The following B3GALT1 variants were observed in gnomAD, a reference collection of about 807,000 sequenced individuals.
B3GALT1 encodes the protein UDP-Gal:betaGlcNAc beta 1,3-galactosyltransferase, polypeptide 1.
A neutral mutation model predicts 23.2 loss-of-function variants in B3GALT1; 10 were observed. That is an observed-to-expected ratio of 0.43 (90% CI 0.27 to 0.73). The LOEUF is 0.73. Among genes scored for constraint, B3GALT1 ranks in the 30% least tolerant of loss-of-function variants. The probability of loss-of-function intolerance (pLI) is 0.21; values close to 1 mark genes in which losing one functional copy is unlikely to be tolerated. For synonymous variants in B3GALT1, 156 were observed against 141.5 expected, an observed-to-expected ratio of 1.10 and a Z score of -0.73; for missense variants, 299 against 405.4, an observed-to-expected ratio of 0.74 and a Z score of 2.25.
intron 3 of B3GALT1, among the ~76,000 whole-genome samples, chr2:167,709,060 C>T (rs1364828085): frequency 6.6e-6 from 1 of 152,168 alleles, no homozygotes; most frequent in East Asian, 1.9e-4. Flanking sequence ...GGTATTTTTG[C>T]TTCTGCCCAT....
At chr2:167,761,838 T>C (rs968063677) in intron 3 of B3GALT1, among the ~76,000 whole-genome samples, 5 of 152,216 alleles carry the variant, frequency 3.3e-5, no homozygotes, top group Admixed American at 6.5e-5. Flanking sequence ...ACATTTAATC[T>C]ACACACATTT....
chr2:167,359,673 T>C (rs1697469475), intron 1 of B3GALT1, among the ~76,000 whole-genome samples: 1 of 152,192 alleles, frequency 6.6e-6, no homozygotes, highest in African/African-American at 2.4e-5. Context: ...CTTTTGTCCA[T>C]TCAAGAATGC....
intron 1 of B3GALT1, among the ~76,000 whole-genome samples, chr2:167,305,703 T>A (rs1307291598): frequency 6.6e-6 from 1 of 152,162 alleles, no homozygotes; most frequent in Non-Finnish European, 1.5e-5. Context: ...TAGCGTGCTT[T>A]GTGTGTATAC....
chr2:167,295,780 TG>T (rs1696341179), intron 1 of B3GALT1, among the ~76,000 whole-genome samples: 1 of 150,570 alleles, frequency 6.6e-6, no homozygotes, highest in African/African-American at 2.5e-5. Flanking sequence ...TGTGTGTGTG[TG>T]TGTGTGTGTG....
chr2:167,745,471 AGT>A (rs1382618127), intron 3 of B3GALT1, among the ~76,000 whole-genome samples: 1 of 152,114 alleles, frequency 6.6e-6, no homozygotes, highest in Non-Finnish European at 1.5e-5. Flanking sequence ...GTATTTCCAT[AGT>A]GATTGCCTAT....
intron 3 of B3GALT1, among the ~76,000 whole-genome samples, chr2:167,692,332 T>G (rs766915949): frequency 1.3e-5 from 2 of 152,152 alleles, no homozygotes; most frequent in Non-Finnish European, 2.9e-5. Flanking sequence ...ATGAACCAAG[T>G]GAGTCAGGCA....
intron 3 of B3GALT1, among the ~76,000 whole-genome samples, chr2:167,729,764 G>A (rs1375383004): frequency 3.9e-5 from 6 of 151,980 alleles, no homozygotes; most frequent in Non-Finnish European, 8.8e-5. Flanking sequence ...TGTATGCTTA[G>A]ACTCAAAATA....
chr2:167,654,385 C>T (rs1344229089), intron 3 of B3GALT1, among the ~76,000 whole-genome samples: 2 of 152,176 alleles, frequency 1.3e-5, no homozygotes, highest in Admixed American at 6.5e-5. Context: ...GCTTTCTGCT[C>T]CCCACTTCTC....
chr2:167,515,348 C>G (rs1306963089), intron 2 of B3GALT1, among the ~76,000 whole-genome samples: 1 of 152,098 alleles, frequency 6.6e-6, no homozygotes, highest in Non-Finnish European at 1.5e-5. Flanking sequence ...AAGCATCCTT[C>G]AAGAAACAAA....
chr2:167,464,586 G>A (rs1309787865), intron 1 of B3GALT1, among the ~76,000 whole-genome samples: 1 of 152,146 alleles, frequency 6.6e-6, no homozygotes, highest in East Asian at 1.9e-4. Context: ...ACAAGATAGT[G>A]GTTATGATCA....
chr2:167,411,945 AT>A lies in B3GALT1; in HGVS notation c.-510-78230del, dbSNP rs1209397171. Among the ~76,000 whole-genome samples, 7 of 152,194 alleles carry A rather than the reference AT, an allele frequency of 4.6e-5. No homozygotes were observed. The East Asian group carries it at 1.3e-3, about 29-fold the overall frequency. On this transcript the variant is annotated intron_variant, in intron 1 of 4. Transcript: ENST00000392690. ...GAGGCCATTATATTAAACGAAATAA[AT>A]TAGGTACAGAAAGACAAATATTGCA...
chr2:167,798,108 T>C (rs972626395), intron 3 of B3GALT1, among the ~76,000 whole-genome samples: 1 of 152,254 alleles, frequency 6.6e-6, no homozygotes, highest in African/African-American at 2.4e-5. Flanking sequence ...AAGTGTCTGT[T>C]CATGTCCTTT....
chr2:167,817,025 C>CAGTT (rs1456189156), intron 3 of B3GALT1, among the ~76,000 whole-genome samples: 3 of 152,116 alleles, frequency 2.0e-5, no homozygotes, highest in African/African-American at 7.2e-5. Context: ...ACTTGATAAG[C>CAGTT]AGTTGGTGTT....
chr2:167,654,611 A>T (rs1244735484), intron 3 of B3GALT1, among the ~76,000 whole-genome samples: 3 of 151,882 alleles, frequency 2.0e-5, no homozygotes, highest in African/African-American at 7.2e-5. Context: ...GTCTTGCCTC[A>T]GCCTCCCAAG....
chr2:167,845,225 C>T (rs1689731462), intron 4 of B3GALT1, among the ~76,000 whole-genome samples: 1 of 152,156 alleles, frequency 6.6e-6, no homozygotes, highest in South Asian at 2.1e-4. Context: ...CCACCAGTTC[C>T]TCTCCATACT....
chr2:167,735,124 A>T (rs1687472159), intron 3 of B3GALT1, among the ~76,000 whole-genome samples: 1 of 152,222 alleles, frequency 6.6e-6, no homozygotes, highest in Admixed American at 6.5e-5. Context: ...GCTGGAGCCA[A>T]GTGAAAGCAG....
rs182826283 is a variant in B3GALT1, at chr2:167,668,484, C to T, written c.-352+21518C>T. 8.9e-3 allele frequency among the ~76,000 whole-genome samples: 1,362 copies of T among 152,240 alleles called. 21 individuals carry two copies. Among genetic ancestry groups the T allele is most frequent in the African/African-American group, 0.031 (1,272 of 41,546 alleles). On this transcript the variant is annotated intron_variant, in intron 3 of 4. Coordinates refer to ENST00000392690, the MANE Select transcript of B3GALT1 (RefSeq NM_020981.4). ...GAGCTGTGGTGGGCTTCACCCAGTT[C>T]GAGCTTCCCGGCTGCTTTGTTTACC...
intron 1 of B3GALT1, among the ~76,000 whole-genome samples, chr2:167,376,454 G>A (rs894616801): frequency 3.9e-5 from 6 of 152,162 alleles, no homozygotes; most frequent in Non-Finnish European, 7.4e-5. Flanking sequence ...ACAATCAGCA[G>A]TGAATCCATC....
intron 4 of B3GALT1, among the ~76,000 whole-genome samples, chr2:167,819,700 C>T (rs1196157608): frequency 1.3e-5 from 2 of 152,152 alleles, no homozygotes; most frequent in Non-Finnish European, 2.9e-5. Flanking sequence ...CCCTGAAATA[C>T]AATTGTTAGT....
Sources: allele counts gnomAD v4.1 joint callset (sites outside exome capture counted in the v4.1 genomes callset), GRCh38; gene constraint gnomAD v4.1.1; transcripts MANE v1.5; gene names NCBI Gene and HGNC (gene_info 2026-07-23, HGNC 2026-07-21).